The following PPP1R9A variants were observed in gnomAD, a reference collection of about 807,000 sequenced individuals.
PPP1R9A encodes protein phosphatase 1 regulatory subunit 9A.
A neutral mutation model predicts 141.9 loss-of-function variants in PPP1R9A; 59 were observed. The ratio of observed to expected loss-of-function variants is 0.42; its 90% CI spans 0.34 to 0.52. The LOEUF is 0.52. PPP1R9A is among the 20% of genes least tolerant of loss of function. The pLI is 0.10. For synonymous variants in PPP1R9A, 500 were observed against 569.7 expected, an observed-to-expected ratio of 0.88 and a Z score of 1.74; for missense variants, 1,444 against 1,611.9, an observed-to-expected ratio of 0.90 and a Z score of 1.78.
chr7:94,929,057 A>G (rs1387018877), intron 2 of PPP1R9A, among the ~76,000 whole-genome samples: 1 of 152,232 alleles, frequency 6.6e-6, no homozygotes, highest in Non-Finnish European at 1.5e-5. Context: ...TAGGTGTCTT[A>G]CATTAATATA....
intron 6 of PPP1R9A, among the ~76,000 whole-genome samples, chr7:95,200,637 A>G (rs1386382826): frequency 2.6e-5 from 4 of 152,110 alleles, no homozygotes; most frequent in African/African-American, 9.7e-5. Flanking sequence ...TTTTTACTTG[A>G]CATTTATACT....
chr7:95,018,401 A>G (rs1805414784), intron 2 of PPP1R9A: 1 of 168,694 alleles, frequency 5.9e-6, no homozygotes, highest in South Asian at 1.7e-4. Context: ...GTGTTGGAAG[A>G]GGCCAAGATG....
intron 2 of PPP1R9A, among the ~76,000 whole-genome samples, chr7:94,993,100 T>C (rs1006879057): frequency 6.6e-6 from 1 of 151,928 alleles, no homozygotes; most frequent in African/African-American, 2.4e-5. Flanking sequence ...TTTTTTTTTC[T>C]TTTTTGCATC....
chr7:95,001,432 A>T (rs1802908428), intron 2 of PPP1R9A, among the ~76,000 whole-genome samples: 1 of 152,184 alleles, frequency 6.6e-6, no homozygotes, highest in African/African-American at 2.4e-5. Context: ...AAGGCAAAAA[A>T]GTTCAAAGTC....
At chr7:95,000,228 T>C (rs1295878352) in intron 2 of PPP1R9A, among the ~76,000 whole-genome samples, 1 of 152,214 alleles carries the variant, frequency 6.6e-6, no homozygotes, top group Non-Finnish European at 1.5e-5. Flanking sequence ...TCATACATGA[T>C]ATAGGTGTTC....
intron 2 of PPP1R9A, among the ~76,000 whole-genome samples, chr7:94,959,687 C>T (rs1797409510): frequency 6.6e-6 from 1 of 151,606 alleles, no homozygotes; most frequent in African/African-American, 2.4e-5. Flanking sequence ...TCACAAGTCT[C>T]AATCAGTTAT....
intron 8 of PPP1R9A, among the ~76,000 whole-genome samples, chr7:95,246,933 A>G (rs968170489): frequency 1.3e-5 from 2 of 152,136 alleles, no homozygotes; most frequent in Admixed American, 6.5e-5. Context: ...CCTGCAATTA[A>G]AAGAAAAAAA....
chr7:95,193,575 G>C (rs1056497679), intron 5 of PPP1R9A, among the ~76,000 whole-genome samples: 1 of 151,742 alleles, frequency 6.6e-6, no homozygotes, highest in Admixed American at 6.6e-5. Flanking sequence ...TTTAATTTTA[G>C]CTTCACAGAT....
chr7:95,113,093 G>A lies in PPP1R9A; in HGVS notation c.1528+1702G>A, dbSNP rs77456714. Among the ~76,000 whole-genome samples the A allele has an allele frequency of 1.2e-4, 18 of 152,202 alleles. No individual in the cohort carries two copies. In the East Asian group the frequency reaches 1.9e-3, roughly 16 times the overall value. On this transcript the variant is annotated intron_variant, in intron 3 of 19. Transcript: ENST00000433360. ...AATTTATACAGATTTAAAAAAAGAC[G>A]TTCTTGAGCAACTTAGCAACAAGAA...
At chr7:95,084,604 T>G (rs567759342) in intron 2 of PPP1R9A, among the ~76,000 whole-genome samples, 73 of 152,136 alleles carry the variant, frequency 4.8e-4, no homozygotes, top group Non-Finnish European at 8.4e-4. Flanking sequence ...AATCACTCTT[T>G]TGAATTTGGT....
chr7:94,997,681 G>A (rs761405874), intron 2 of PPP1R9A, among the ~76,000 whole-genome samples: 3 of 152,094 alleles, frequency 2.0e-5, no homozygotes, highest in Admixed American at 2.0e-4. Context: ...TTTCTCCTCT[G>A]TGTATATGTG....
intron 7 of PPP1R9A, among the ~76,000 whole-genome samples, chr7:95,204,608 CACACACACA>C (rs774954824): frequency 2.0e-5 from 3 of 150,094 alleles, no homozygotes; most frequent in Non-Finnish European, 4.5e-5. Context: ...ACACACACAC[CACACACACA>C]CCACACTCAC....
intron 4 of PPP1R9A, among the ~76,000 whole-genome samples, chr7:95,153,181 G>A (rs1221014667): frequency 2.0e-5 from 3 of 152,032 alleles, no homozygotes; most frequent in Non-Finnish European, 2.9e-5. Context: ...GTCTTCAAGT[G>A]ACAAGAATGA....
At chr7:95,181,720 CAT>C (rs1346661865) in intron 5 of PPP1R9A, among the ~76,000 whole-genome samples, 1 of 126,168 alleles carries the variant, frequency 7.9e-6, no homozygotes, top group Admixed American at 8.7e-5. Context: ...TATTCCGTCA[CAT>C]ATATATAGAA....
intron 5 of PPP1R9A, among the ~76,000 whole-genome samples, chr7:95,191,777 A>G (rs1029335709): frequency 4.6e-5 from 7 of 152,186 alleles, no homozygotes; most frequent in South Asian, 2.1e-4. Flanking sequence ...AGATCACACT[A>G]TTTTACTATC....
At chr7:95,094,429 T>C (rs1428705434) in intron 2 of PPP1R9A, among the ~76,000 whole-genome samples, 1 of 152,208 alleles carries the variant, frequency 6.6e-6, no homozygotes, top group African/African-American at 2.4e-5. Context: ...CTCCATCCCG[T>C]CTTCCAGTGC....
Position 95,161,856 on chromosome 7 carries a change from T to C in PPP1R9A, c.1650-11T>C. ...GTAATTTATGTGGGTAATTTTTTCC[T>C]CTTTCTAAAGAATACAAGTCAATGA... On this transcript the variant is annotated splice_polypyrimidine_tract_variant and intron_variant, in intron 4 of 19. Transcript: ENST00000433360. 6.3e-7 allele frequency: 1 copy of C among 1,575,152 alleles called. No individual in the cohort carries two copies. Among genetic ancestry groups the C allele is most frequent in the South Asian group, 1.2e-5 (1 of 85,170 alleles).
At chr7:95,088,646 T>C (rs1041115037) in intron 2 of PPP1R9A, among the ~76,000 whole-genome samples, 2 of 151,958 alleles carry the variant, frequency 1.3e-5, no homozygotes, top group Non-Finnish European at 1.5e-5. Context: ...GAGATCAAAG[T>C]ATCCAGTTAA....
chr7:95,122,777 G>T (rs1045813179), intron 4 of PPP1R9A, among the ~76,000 whole-genome samples: 1 of 152,010 alleles, frequency 6.6e-6, no homozygotes, highest in African/African-American at 2.4e-5. Flanking sequence ...TAACCTCTTT[G>T]CCCCTTTAAT....
Sources: gnomAD v4.1 joint callset for allele counts (sites outside exome capture counted in the v4.1 genomes callset) on GRCh38, gnomAD v4.1.1 for gene constraint, MANE v1.5 for transcripts, NCBI Gene and HGNC (gene_info 2026-07-23, HGNC 2026-07-21) for gene names.